The following GPR158 variants were observed in gnomAD, a reference collection of about 807,000 sequenced individuals.
GPR158 encodes the protein metabotropic glycine receptor.
Under a neutral mutation model 78.2 loss-of-function variants are expected in GPR158, and 30 were observed. That is an observed-to-expected ratio of 0.38 (90% CI 0.29 to 0.52). GPR158 has a LOEUF of 0.52. GPR158 is among the 20% of genes least tolerant of loss of function. The pLI is 0.83. For missense variants in GPR158, 1,463 were observed against 1,523.5 expected, an observed-to-expected ratio of 0.96 and a Z score of 0.66; for synonymous variants, 581 against 591.1, an observed-to-expected ratio of 0.98 and a Z score of 0.25.
chr10:25,203,464 C>G (rs1294278739), intron 1 of GPR158, among the ~76,000 whole-genome samples: 2 of 152,040 alleles, frequency 1.3e-5, no homozygotes, highest in South Asian at 2.1e-4. Context: ...TTTCAGCTTT[C>G]TACATATGGC....
At chr10:25,484,244 A>C (rs1835703195) in intron 5 of GPR158, among the ~76,000 whole-genome samples, 1 of 152,138 alleles carries the variant, frequency 6.6e-6, no homozygotes. Context: ...TCCTCTTCCT[A>C]GAGCACTCTT....
intron 5 of GPR158, among the ~76,000 whole-genome samples, chr10:25,487,104 G>GGT (rs1007181542): frequency 2.0e-5 from 3 of 152,068 alleles, no homozygotes; most frequent in Non-Finnish European, 2.9e-5. Flanking sequence ...GGGATTAAGA[G>GGT]GTGGATATCT....
intron 5 of GPR158, among the ~76,000 whole-genome samples, chr10:25,482,816 C>G (rs1027177923): frequency 6.6e-6 from 1 of 152,054 alleles, no homozygotes; most frequent in Non-Finnish European, 1.5e-5. Context: ...TCTAATCCCA[C>G]CACCACCACC....
intron 2 of GPR158, among the ~76,000 whole-genome samples, chr10:25,314,855 ACAC>A (rs1194914653): frequency 0.016 from 1,808 of 115,248 alleles, 47 homozygotes; most frequent in African/African-American, 0.059. Flanking sequence ...ATACATACAC[ACAC>A]TGTCATATAT....
chr10:25,563,955 A>G (rs925484907), intron 6 of GPR158, among the ~76,000 whole-genome samples: 2 of 146,988 alleles, frequency 1.4e-5, no homozygotes, highest in Admixed American at 6.8e-5. Context: ...TGCGTGCCTC[A>G]TTTTTTTTTT....
chr10:25,177,155 G>A (rs1193296203), intron 1 of GPR158, among the ~76,000 whole-genome samples: 1 of 152,238 alleles, frequency 6.6e-6, no homozygotes, highest in East Asian at 1.9e-4. Flanking sequence ...GGAAACTTAA[G>A]GGAGTCTGTA....
At chr10:25,387,011 GT>G (rs1834230548) in intron 2 of GPR158, among the ~76,000 whole-genome samples, 1 of 152,088 alleles carries the variant, frequency 6.6e-6, no homozygotes, top group South Asian at 2.1e-4. Context: ...ACAGTACTAT[GT>G]TTCGTGAAAG....
intron 5 of GPR158, among the ~76,000 whole-genome samples, chr10:25,482,277 G>A (rs2130637490): frequency 6.6e-6 from 1 of 152,100 alleles, no homozygotes; most frequent in South Asian, 2.1e-4. Context: ...TCAGACTTCT[G>A]GGCTTATGCG....
intron 2 of GPR158, among the ~76,000 whole-genome samples, chr10:25,380,370 T>C (rs1298994093): frequency 6.6e-6 from 1 of 152,222 alleles, no homozygotes; most frequent in Non-Finnish European, 1.5e-5. Context: ...GTTTCTGCGT[T>C]TTATAAAACT....
At position 25,459,786 on chromosome 10, in the gene GPR158, A is replaced by G. The variant is rs147342000; in HGVS notation, c.1336-6865A>G. Among the ~76,000 whole-genome samples the G allele has an allele frequency of 2.9e-3, 449 of 152,290 alleles. 1 individual carries two copies. Among genetic ancestry groups the G allele is most frequent in the African/African-American group, 9.0e-3 (373 of 41,556 alleles). ...TGGCATCCAAACATGGAATTTAGAA[A>G]TTGACTTTGATGTAATTTGATAGAA... On this transcript the variant is annotated intron_variant, in intron 4 of 10. Transcript: ENST00000376351.
rs141655087 is a variant in GPR158, at chr10:25,488,595, C to T, written c.1404+21876C>T. Among the ~76,000 whole-genome samples, 538 of 152,226 alleles carry T rather than the reference C, an allele frequency of 3.5e-3. 3 individuals are homozygous for T. The highest frequency in any genetic ancestry group is 0.012 in the African/African-American group (511 of 41,544). ...TTGCTGAGGTACTGATTATGTAACT[C>T]ACAATACAGGCTTCGTTTTGTGGAA... On this transcript the variant is annotated intron_variant, in intron 5 of 10. Coordinates refer to ENST00000376351, the MANE Select transcript of GPR158 (RefSeq NM_020752.3).
intron 2 of GPR158, among the ~76,000 whole-genome samples, chr10:25,345,610 T>C (rs1773649): frequency 0.66 from 100,782 of 151,844 alleles, 34,750 homozygotes; most frequent in Non-Finnish European, 0.78. Flanking sequence ...ATGATGCAAA[T>C]GTACTGTTGA....
chr10:25,598,823 T>C lies in GPR158; in HGVS notation c.3197T>C (p.Ile1066Thr). The change falls in exon 11 of 11, where the codon ATA becomes ACA. Residue 1066 changes from isoleucine (I) to threonine (T), a missense_variant. Physicochemically the swap from Ile to Thr is moderately conservative, Grantham distance 89 (BLOSUM62 -1). Transcript: ENST00000376351. ...EVCQQSNQKR[I>T]DKAEVCLWES... ...TGTCAGCAATCCAATCAGAAGCGCA[T>C]AGATAAGGCTGAAGTATGCCTTTGG... is the stretch of plus-strand genomic sequence containing the variant. The C allele has an allele frequency of 6.2e-7, 1 of 1,614,086 alleles. No homozygotes were observed. The highest frequency in any genetic ancestry group is 8.5e-7 in the Non-Finnish European group (1 of 1,180,002).
intron 2 of GPR158, among the ~76,000 whole-genome samples, chr10:25,333,063 T>A: frequency 6.6e-6 from 1 of 152,126 alleles, no homozygotes; most frequent in South Asian, 2.1e-4. Flanking sequence ...TTCTTGGGAT[T>A]CACAGGATCA....
intron 5 of GPR158, among the ~76,000 whole-genome samples, chr10:25,530,891 A>C (rs1460579242): frequency 6.6e-6 from 1 of 152,132 alleles, no homozygotes; most frequent in Non-Finnish European, 1.5e-5. Flanking sequence ...GGATCTCTCC[A>C]TCCGAGCAGT....
intron 2 of GPR158, among the ~76,000 whole-genome samples, chr10:25,324,194 C>A (rs824156): frequency 5.9e-5 from 9 of 152,092 alleles, no homozygotes; most frequent in African/African-American, 2.2e-4. Flanking sequence ...CTAACTGTTT[C>A]GCACGAGAGG....
In GPR158 at chr10:25,589,015, T is replaced by G. The variant is rs953441896; in HGVS notation, c.1762T>G (p.Leu588Val). The change falls in exon 8 of 11, where the codon TTA becomes GTA. Residue 588 changes from leucine (L) to valine (V), a missense_variant. By Grantham distance (32) the Leu-to-Val change is conservative. Transcript: ENST00000376351. ...GTTTGTTATTTTCACAGCTGAATTT[T>G]TATTCCTCTTGTGGGGTGTTTATCT... ...WDYMTAVAEFLFLLWGVYLCY... is the reference protein window; with the variant it reads ...WDYMTAVAEFVFLLWGVYLCY... 6 of 1,555,450 alleles carry G rather than the reference T, an allele frequency of 3.9e-6. No homozygotes were observed. Among genetic ancestry groups the G allele is most frequent in the South Asian group, 2.4e-5 (2 of 82,254 alleles).
chr10:25,303,632 C>T (rs192116274), intron 2 of GPR158, among the ~76,000 whole-genome samples: 59 of 152,260 alleles, frequency 3.9e-4, no homozygotes, highest in Non-Finnish European at 6.2e-4. Flanking sequence ...AGTCAAACTC[C>T]GCCTTTATCA....
chr10:25,368,339 T>G (rs906095847), intron 2 of GPR158, among the ~76,000 whole-genome samples: 2 of 151,842 alleles, frequency 1.3e-5, no homozygotes, highest in African/African-American at 4.8e-5. Flanking sequence ...ATTTGCAAAT[T>G]ATGCATTTGA....
Sources: allele counts gnomAD v4.1 joint callset (sites outside exome capture counted in the v4.1 genomes callset), GRCh38; gene constraint gnomAD v4.1.1; transcripts MANE v1.5; gene names NCBI Gene and HGNC (gene_info 2026-07-23, HGNC 2026-07-21).